RABGAP1L: variants seen among roughly 807,000 people sequenced by gnomAD.
RABGAP1L encodes rab GTPase-activating protein 1-like.
RABGAP1L carries 63 observed loss-of-function variants against 137.7 expected under a neutral mutation model. That is an observed-to-expected ratio of 0.46 (90% CI 0.37 to 0.56). The LOEUF (loss-of-function observed/expected upper bound fraction) is 0.56, where lower values mean the gene tolerates loss of function less well. RABGAP1L is among the 20% of genes least tolerant of loss of function. The pLI, the probability that RABGAP1L is intolerant of heterozygous loss-of-function variation, is 0.00. For missense variants in RABGAP1L, 1,095 were observed against 1,244.0 expected, an observed-to-expected ratio of 0.88 and a Z score of 1.80; for synonymous variants, 431 against 433.7, an observed-to-expected ratio of 0.99 and a Z score of 0.08.
At chr1:174,242,649 G>C (rs1271742262) in intron 5 of RABGAP1L, among the ~76,000 whole-genome samples, 1 of 152,166 alleles carries the variant, frequency 6.6e-6, no homozygotes, top group African/African-American at 2.4e-5. Context: ...TGATCAGTTT[G>C]CTTTACACTA....
intron 19 of RABGAP1L, among the ~76,000 whole-genome samples, chr1:174,822,154 G>T (rs534983979): frequency 6.6e-6 from 1 of 152,168 alleles, no homozygotes; most frequent in Admixed American, 6.5e-5. Context: ...CCAGCTACTC[G>T]AGAGGCTGAG....
intron 13 of RABGAP1L, among the ~76,000 whole-genome samples, chr1:174,588,606 C>T (rs907847710): frequency 6.6e-6 from 1 of 152,172 alleles, no homozygotes; most frequent in South Asian, 2.1e-4. Flanking sequence ...CCACTACTCC[C>T]GCTACCCTTC....
chr1:174,423,237 G>T (rs1217594202), intron 13 of RABGAP1L, among the ~76,000 whole-genome samples: 1 of 151,892 alleles, frequency 6.6e-6, no homozygotes, highest in Non-Finnish European at 1.5e-5. Context: ...TTTTAATATT[G>T]CACTATCTTT....
At chr1:174,603,014 T>A (rs74537175) in intron 13 of RABGAP1L, among the ~76,000 whole-genome samples, 2,708 of 152,264 alleles carry the variant, frequency 0.018, 69 homozygotes, top group African/African-American at 0.062. Context: ...AGATGTTTGT[T>A]AGAGTCTGGA....
intron 13 of RABGAP1L, among the ~76,000 whole-genome samples, chr1:174,637,153 T>C (rs1304298468): frequency 6.6e-6 from 1 of 152,102 alleles, no homozygotes; most frequent in Non-Finnish European, 1.5e-5. Flanking sequence ...TAAACATACA[T>C]ACACACACAA....
rs1663522159 is a variant in RABGAP1L, at chr1:174,522,636, G to T, written c.1711-114739G>T. 2.0e-5 allele frequency among the ~76,000 whole-genome samples: 3 copies of T among 152,186 alleles called. 1 individual carries two copies. The South Asian group carries it at 6.2e-4, about 32-fold the overall frequency. On this transcript the variant is annotated intron_variant, in intron 13 of 25. Transcript: ENST00000681986. ...GAGGCTGTGTAATTTATAAAGAAAA[G>T]AGCTTTAATTGGCTTACAGTTCTGC...
intron 2 of RABGAP1L, 97 bp from the exon 3 acceptor site, chr1:174,220,875 G>T: frequency 9.5e-7 from 1 of 1,048,846 alleles, no homozygotes; most frequent in Non-Finnish European, 1.3e-6. Context: ...TAAATATTTA[G>T]ATTGTTTTAA....
intron 13 of RABGAP1L, among the ~76,000 whole-genome samples, chr1:174,401,187 T>C (rs141580919): frequency 1.3e-5 from 2 of 152,120 alleles, no homozygotes; most frequent in Non-Finnish European, 2.9e-5. Flanking sequence ...AGCTTCGCTT[T>C]AGGAGGAGAT....
chr1:174,801,861 T>G (rs1055775914), intron 18 of RABGAP1L, among the ~76,000 whole-genome samples: 8 of 152,194 alleles, frequency 5.3e-5, no homozygotes, highest in Admixed American at 5.2e-4. Context: ...TAAACTATAT[T>G]TCAACAAATT....
intron 6 of RABGAP1L, among the ~76,000 whole-genome samples, chr1:174,252,174 C>T (rs557231253): frequency 8.5e-5 from 13 of 152,272 alleles, no homozygotes; most frequent in African/African-American, 2.9e-4. Flanking sequence ...GGATTACAGG[C>T]GTAAGCCACC....
intron 13 of RABGAP1L, among the ~76,000 whole-genome samples, chr1:174,421,405 A>C (rs950341836): frequency 6.6e-6 from 1 of 152,170 alleles, no homozygotes; most frequent in Non-Finnish European, 1.5e-5. Context: ...CAGCTGAAGA[A>C]CCCTTTTTAA....
chr1:174,466,999 A>T (rs1558259069), intron 13 of RABGAP1L, among the ~76,000 whole-genome samples: 1 of 152,174 alleles, frequency 6.6e-6, no homozygotes, highest in African/African-American at 2.4e-5. Flanking sequence ...GCATATAGAA[A>T]AGTCCAATAA....
intron 19 of RABGAP1L, among the ~76,000 whole-genome samples, chr1:174,831,525 C>T (rs1692113482): frequency 6.7e-6 from 1 of 148,196 alleles, no homozygotes; most frequent in Admixed American, 6.7e-5. Flanking sequence ...ATAATATCAA[C>T]CTAACTATTC....
At chr1:174,813,326 A>G (rs1690066486) in intron 19 of RABGAP1L, among the ~76,000 whole-genome samples, 1 of 152,172 alleles carries the variant, frequency 6.6e-6, no homozygotes, top group African/African-American at 2.4e-5. Context: ...TTCCTGATAT[A>G]TTAAATGTGA....
intron 13 of RABGAP1L, among the ~76,000 whole-genome samples, chr1:174,549,064 T>C (rs1203488070): frequency 6.6e-6 from 1 of 152,168 alleles, no homozygotes; most frequent in Non-Finnish European, 1.5e-5. Flanking sequence ...TTGGGTCCTG[T>C]GTGAGTGCAA....
At chr1:174,780,636 G>C (rs1221358881) in intron 18 of RABGAP1L, among the ~76,000 whole-genome samples, 1 of 151,764 alleles carries the variant, frequency 6.6e-6, no homozygotes, top group Non-Finnish European at 1.5e-5. Context: ...TGTTACATAT[G>C]TATACATGTG....
chr1:174,334,720 G>A (rs1382195155), intron 11 of RABGAP1L, among the ~76,000 whole-genome samples: 1 of 151,960 alleles, frequency 6.6e-6, no homozygotes, highest in Non-Finnish European at 1.5e-5. Flanking sequence ...CAGTCTTTCT[G>A]TGAATGCTAT....
chr1:174,565,699 G>C (rs1416214381), intron 13 of RABGAP1L, among the ~76,000 whole-genome samples: 1 of 152,118 alleles, frequency 6.6e-6, no homozygotes, highest in Non-Finnish European at 1.5e-5. Flanking sequence ...GGTTTGTATA[G>C]CTTAAACACC....
At chr1:174,747,756 A>C (rs1365503296) in intron 17 of RABGAP1L, among the ~76,000 whole-genome samples, 2 of 152,190 alleles carry the variant, frequency 1.3e-5, no homozygotes, top group Non-Finnish European at 2.9e-5. Flanking sequence ...TGATATAAGC[A>C]TTCATCAATC....
Sources: allele counts gnomAD v4.1 joint callset (sites outside exome capture counted in the v4.1 genomes callset), GRCh38; gene constraint gnomAD v4.1.1; transcripts MANE v1.5; gene names NCBI Gene and HGNC (gene_info 2026-07-23, HGNC 2026-07-21).